The following XDH variants were observed in gnomAD, a reference collection of about 807,000 sequenced individuals.
XDH encodes xanthine dehydrogenase.
A neutral mutation model predicts 156.1 loss-of-function variants in XDH; 138 were observed. That is an observed-to-expected ratio of 0.88 (90% CI 0.77 to 1.02). The LOEUF (loss-of-function observed/expected upper bound fraction) is 1.02. XDH is among the 50% of genes least tolerant of loss of function. The probability of loss-of-function intolerance (pLI) is 0.00; values close to 1 mark genes in which losing one functional copy is unlikely to be tolerated. For synonymous variants in XDH, 669 were observed against 625.7 expected (o/e 1.07, Z -1.03); for missense variants, 1,849 against 1,684.9 (o/e 1.10, Z -1.71).
chr2:31,414,496 CGAGA>C (rs1172029993), intron 1 of XDH, 125 bp downstream of exon 1: 2 of 1,361,822 alleles, frequency 1.5e-6, no homozygotes, highest in Admixed American at 3.4e-5. Context: ...ACCTTTAAAG[CGAGA>C]GAGAGAAAGA....
At chr2:31,397,870 CCTT>C (rs1686952418) in intron 5 of XDH, 141 bp from the exon 6 acceptor site, 2 of 904,068 alleles carry the variant, frequency 2.2e-6, no homozygotes, top group East Asian at 5.0e-5. Context: ...GGCCTCTTGG[CCTT>C]CTCATATCCT....
intron 14 of XDH, among the ~76,000 whole-genome samples, chr2:31,376,715 C>G (rs968569433): frequency 6.7e-6 from 1 of 149,726 alleles, no homozygotes; most frequent in African/African-American, 2.4e-5. Flanking sequence ...TAATGAGTAA[C>G]AGTAGTAATT....
intron 24 of XDH, among the ~76,000 whole-genome samples, chr2:31,362,053 C>T (rs1258354762): frequency 8.3e-5 from 6 of 72,588 alleles, no homozygotes; most frequent in East Asian, 1.2e-3. Context: ...GCTCTCATTA[C>T]AAATATATAT....
At position 31,368,001 on chromosome 2, in the gene XDH, G is replaced by C. The variant is rs760609193; in HGVS notation, c.2157C>G (p.Asp719Glu). The change falls in exon 20 of 36, where the codon GAC (aspartate) becomes GAG (glutamate). Residue 719 changes from aspartate (D) to glutamate (E), a missense_variant. Physicochemically the swap from Asp to Glu is conservative, Grantham distance 45. Coordinates refer to ENST00000379416, the MANE Select transcript of XDH (RefSeq NM_000379.4). ...CTGCTTCGGAAAACCCCTTCTTTAG[G>C]TCCCCTTTCTCGATCTTCAGCTCAG... ...YGPELKIEKG[D>E]LKKGFSEADN... 14 of 1,613,874 alleles carry C rather than the reference G, an allele frequency of 8.7e-6. No homozygotes were observed. The South Asian group carries it at 1.5e-4, about 18-fold the overall frequency.
In XDH at chr2:31,366,788, T is replaced by C. The variant is rs13387204; in HGVS notation, c.2322+82A>G. 542,248 of 1,607,574 alleles carry C rather than the reference T, an allele frequency of 0.34. 92,701 individuals carry two copies. Among genetic ancestry groups the C allele is most frequent in the Non-Finnish European group, 0.34 (404,413 of 1,176,818 alleles). On this transcript the variant is annotated intron_variant, in intron 21 of 35. Transcript: ENST00000379416. The stretch of plus-strand genomic sequence containing the variant: ...GGACCAGCCCACATCTCCCTCTTCC[T>C]ATTTCCCACATGGCCCTCCTGGTCT...
At chr2:31,359,424 T>G (rs1163066547) in intron 24 of XDH, among the ~76,000 whole-genome samples, 1 of 150,680 alleles carries the variant, frequency 6.6e-6, no homozygotes, top group Non-Finnish European at 1.5e-5. Flanking sequence ...ACAGGCGAAG[T>G]GTCCTATTGC....
At position 31,386,496 on chromosome 2, in the gene XDH, T is replaced by C. The variant is rs202199893; in HGVS notation, c.711A>G (p.Ile237Met). 1.1e-5 allele frequency: 18 copies of C among 1,614,166 alleles called. No homozygotes were observed. Among genetic ancestry groups the C allele is most frequent in the South Asian group, 1.1e-5 (1 of 91,082 alleles). ...LRFEGERVTWIQASTLKELLD... is the reference protein window; with the variant it reads ...LRFEGERVTWMQASTLKELLD... ...GCAGCTCCTTGAGGGTTGAGGCCTG[T>C]ATCCACGTCACACGCTCCCCTTCAA... The change falls in exon 9 of 36, where the codon ATA (isoleucine) becomes ATG (methionine). Residue 237 changes from isoleucine to methionine, a missense_variant. Transcript: ENST00000379416.
At chr2:31,382,876 C>T (rs925924809) in intron 11 of XDH, 125 bp downstream of exon 11, 3 of 1,415,174 alleles carry the variant, frequency 2.1e-6, no homozygotes, top group African/African-American at 2.8e-5. Flanking sequence ...AGCACTGCTC[C>T]TCCCAGGCAA....
chr2:31,370,537 CCTG>C, intron 17 of XDH, 59 bp from the exon 18 acceptor site: 2 of 1,606,110 alleles, frequency 1.2e-6, no homozygotes, highest in Non-Finnish European at 1.7e-6. Context: ...GGACCCATCA[CCTG>C]GTTGGACAAC....
chr2:31,379,775 GT>G (rs1558697679), intron 13 of XDH, 91 bp downstream of exon 13: 1 of 1,244,484 alleles, frequency 8.0e-7, no homozygotes, highest in African/African-American at 1.5e-5. Context: ...AGATGCTCAG[GT>G]TGGTCCCTGA....
intron 22 of XDH, 106 bp downstream of exon 22, chr2:31,365,869 AG>A: frequency 1.9e-6 from 3 of 1,559,016 alleles, no homozygotes; most frequent in South Asian, 1.2e-5. Context: ...AATTCAAAGC[AG>A]GGGGAAACTA....
chr2:31,355,805 A>T (rs1685608299), intron 24 of XDH, among the ~76,000 whole-genome samples: 1 of 152,208 alleles, frequency 6.6e-6, no homozygotes. Flanking sequence ...TATAAATTGT[A>T]TAAATACAGT....
intron 4 of XDH, among the ~76,000 whole-genome samples, chr2:31,399,340 G>A (rs1686994609): frequency 6.6e-6 from 1 of 152,170 alleles, no homozygotes; most frequent in Non-Finnish European, 1.5e-5. Flanking sequence ...GAGGGGCCCA[G>A]GTCAGGGCTC....
chr2:31,402,394 GT>G (rs45438697), intron 3 of XDH, among the ~76,000 whole-genome samples: 2,131 of 152,228 alleles, frequency 0.014, 24 homozygotes, highest in Non-Finnish European at 0.022. Flanking sequence ...ATGAACTGTT[GT>G]TTTCTCAAAT....
Position 31,368,557 on chromosome 2 carries a change from G to T in XDH, c.2084C>A (p.Ala695Asp). ...GVKITYEELPAIITIEDAIKN... is the reference protein window; with the variant it reads ...GVKITYEELPDIITIEDAIKN... ...CTCAGTTACCTCAATTGTGATAATG[G>T]CTGGTAGTTCTTCATAGGTGATTTT... The change falls in exon 19 of 36, where the codon GCC becomes GAC. Residue 695 changes from alanine to aspartate, a missense_variant. Coordinates refer to ENST00000379416, the MANE Select transcript of XDH (RefSeq NM_000379.4). 6.2e-7 allele frequency: 1 copy of T among 1,614,138 alleles called. No individual in the cohort carries two copies. The highest frequency in any genetic ancestry group is 8.5e-7 in the Non-Finnish European group (1 of 1,180,024).
chr2:31,392,444 A>G (rs1686793214), intron 6 of XDH, among the ~76,000 whole-genome samples: 1 of 149,730 alleles, frequency 6.7e-6, no homozygotes, highest in Admixed American at 6.6e-5. Flanking sequence ...TATTTATTTG[A>G]AATGGAGTCT....
At chr2:31,402,385 T>A (rs551282797) in intron 3 of XDH, among the ~76,000 whole-genome samples, 127 of 152,272 alleles carry the variant, frequency 8.3e-4, no homozygotes, top group African/African-American at 3.0e-3. Context: ...CTTGAGCTCA[T>A]GAACTGTTGT....
At chr2:31,378,115 G>GAAAGAAA (rs1558696682) in intron 13 of XDH, among the ~76,000 whole-genome samples, 5 of 35,448 alleles carry the variant, frequency 1.4e-4, no homozygotes, top group African/African-American at 6.0e-4. Context: ...AGAAAGGAAG[G>GAAAGAAA]AAGGAAGGAA....
intron 3 of XDH, among the ~76,000 whole-genome samples, chr2:31,401,684 C>G (rs1324357959): frequency 6.6e-6 from 1 of 152,234 alleles, no homozygotes; most frequent in Non-Finnish European, 1.5e-5. Flanking sequence ...AGGCTGCAGC[C>G]TTAAAGCATG....
Sources: gnomAD v4.1 joint callset for allele counts (sites outside exome capture counted in the v4.1 genomes callset) on GRCh38, gnomAD v4.1.1 for gene constraint, MANE v1.5 for transcripts, NCBI Gene and HGNC (gene_info 2026-07-23, HGNC 2026-07-21) for gene names.